The following TMEM53 variants were observed in gnomAD, a reference collection of about 807,000 sequenced individuals.
TMEM53 encodes the protein transmembrane protein 53.
TMEM53 carries 14 observed loss-of-function variants against 21.4 expected under a neutral mutation model. The ratio of observed to expected loss-of-function variants is 0.65; its 90% CI spans 0.43 to 1.02. TMEM53 has a LOEUF of 1.02. Among genes scored for constraint, TMEM53 ranks in the 50% least tolerant of loss-of-function variants. The pLI is 0.00. For missense variants in TMEM53, 323 were observed against 383.6 expected, an observed-to-expected ratio of 0.84 and a Z score of 1.32; for synonymous variants, 148 against 157.4, an observed-to-expected ratio of 0.94 and a Z score of 0.45.
intron 1 of TMEM53, 132 bp downstream of exon 1, chr1:44,674,199 C>T: frequency 1.3e-5 from 18 of 1,398,188 alleles, no homozygotes; most frequent in Non-Finnish European, 1.7e-5. Flanking sequence ...AAGTCTAGGA[C>T]CTGCCAGACC....
intron 1 of TMEM53, among the ~76,000 whole-genome samples, chr1:44,666,422 C>A (rs1287033300): frequency 6.6e-6 from 1 of 152,166 alleles, no homozygotes; most frequent in African/African-American, 2.4e-5. Flanking sequence ...TGAAAACTTG[C>A]CCATGAATGT....
intron 1 of TMEM53, among the ~76,000 whole-genome samples, chr1:44,660,755 C>T (rs1343334361): frequency 4.0e-5 from 6 of 151,080 alleles, no homozygotes; most frequent in East Asian, 3.9e-4. Context: ...GAGGCCGAGG[C>T]GGACGGATCG....
At position 44,655,250 on chromosome 1, in the gene TMEM53, G is replaced by A. The variant is rs778013676; in HGVS notation, c.184-41C>T. 1.3e-6 allele frequency: 2 copies of A among 1,545,430 alleles called. No individual in the cohort carries two copies. Among genetic ancestry groups the A allele is most frequent in the East Asian group, 2.3e-5 (1 of 44,344 alleles). ...TGGTCAGTCCTCACAGATGAGGTGG[G>A]GGTAGTGGGTACAAGCTAAGGTCAG... On this transcript the variant is annotated intron_variant, in intron 2 of 2. Transcript: ENST00000372237. The surrounding 1 kb of genome is among the most constrained non-coding windows in gnomAD (Gnocchi z 4.4).
Position 44,656,756 on chromosome 1 carries a change from GTAATCCCAACACTT to G in TMEM53, c.184-1561_184-1548del, listed in dbSNP as rs1449496341. 1.2e-3 allele frequency among the ~76,000 whole-genome samples: 183 copies of G among 152,296 alleles called. 1 individual carries two copies. The highest frequency in any genetic ancestry group is 4.2e-3 in the African/African-American group (173 of 41,570). On this transcript the variant is annotated intron_variant, in intron 2 of 2. Transcript: ENST00000372237. Reference sequence around the variant, plus strand: ...TGGTTGGGCACAGTGGCTCACACCTGTAATCCCAACACTTTGGGAGGCTGAGGTGGGCAGATGAC... The same window carrying G: ...TGGTTGGGCACAGTGGCTCACACCTGTGGGAGGCTGAGGTGGGCAGATGAC...
At chr1:44,660,394 G>A (rs994440788) in intron 1 of TMEM53, 99 bp from the exon 2 acceptor site, 112 of 1,482,682 alleles carry the variant, frequency 7.6e-5, no homozygotes, top group Non-Finnish European at 9.7e-5. Context: ...TGCAGGCAGG[G>A]AACAACGGGT....
intron 1 of TMEM53, among the ~76,000 whole-genome samples, chr1:44,667,585 G>A (rs890766841): frequency 2.6e-5 from 4 of 152,010 alleles, no homozygotes; most frequent in African/African-American, 9.7e-5. Flanking sequence ...TGGAATTACA[G>A]GCATGAGTCA....
chr1:44,663,200 C>T (rs921725925), intron 1 of TMEM53, among the ~76,000 whole-genome samples: 6 of 152,198 alleles, frequency 3.9e-5, no homozygotes, highest in African/African-American at 9.6e-5. Context: ...ACCACAGGCA[C>T]GTGCCACCAT....
rs1339699025 is a variant in TMEM53 at position 44,655,143 on chromosome 1, G to T, written c.250C>A (p.Pro84Thr). Residue 84 changes from proline (P) to threonine (T), a missense_variant, in exon 3 of 3, where the codon CCT becomes ACT. This residue lies in a region of TMEM53 where 269 missense variants were observed against 334.5 expected (regional missense o/e 0.80). Coordinates refer to ENST00000372237, the MANE Select transcript of TMEM53 (RefSeq NM_024587.4). This position sits in a 1 kb window ranked among gnomAD's most constrained non-coding sequence, Gnocchi z 4.4. ...MVFFSESLGI[P>T]SLRVLAQKLL... ...TTCTGGGCCAAAACACGAAGTGAAG[G>T]GATACCCAGTGACTCGGAGAAGAAG... 1 of 1,614,132 alleles carries T rather than the reference G, an allele frequency of 6.2e-7. No homozygotes were observed. Among genetic ancestry groups the T allele is most frequent in the Non-Finnish European group, 8.5e-7 (1 of 1,179,988 alleles).
chr1:44,660,425 C>T lies in TMEM53; in HGVS notation c.62-130G>A. 5.3e-6 allele frequency: 7 copies of T among 1,319,516 alleles called. No homozygotes were observed. In the South Asian group the frequency reaches 9.8e-5, roughly 18 times the overall value. The allele number at this position is 1,319,516 out of a possible 1,614,324, so 81.7% of individuals were successfully genotyped here. On this transcript the variant is annotated intron_variant, in intron 1 of 2. Transcript: ENST00000372237. Reference sequence around the variant, plus strand: ...CGGGTGCCAGGCCCAGGCATCCTGCCAGCACGCATGCACCAGTTCCCACCC... The same window carrying T: ...CGGGTGCCAGGCCCAGGCATCCTGCTAGCACGCATGCACCAGTTCCCACCC...
chr1:44,658,294 C>G (rs528859208), intron 2 of TMEM53, among the ~76,000 whole-genome samples: 20 of 152,140 alleles, frequency 1.3e-4, no homozygotes, highest in African/African-American at 4.6e-4. Context: ...AAAAACACAC[C>G]CCCCTCTACC....
rs114472931 is a variant in TMEM53 at position 44,674,410 on chromosome 1, G to C, written c.-19C>G. The stretch of plus-strand genomic sequence containing the variant: ...AGGCCATGGTGAAGGCGCCGGCCCA[G>C]AGCACGGGTCTCCAGCCGGAACTCC... On this transcript the variant is annotated 5_prime_UTR_variant, in exon 1 of 3. Coordinates refer to ENST00000372237, the MANE Select transcript of TMEM53 (RefSeq NM_024587.4). 7.3e-4 allele frequency: 1,166 copies of C among 1,602,320 alleles called. 4 individuals are homozygous for C. In the African/African-American group the frequency reaches 0.014, roughly 19 times the overall value.
intron 2 of TMEM53, among the ~76,000 whole-genome samples, chr1:44,659,737 G>A (rs969542797): frequency 6.6e-6 from 1 of 152,170 alleles, no homozygotes; most frequent in African/African-American, 2.4e-5. Context: ...GTGGAATGCA[G>A]GGAGGAAGGA....
chr1:44,672,871 G>A (rs962522903), intron 1 of TMEM53, among the ~76,000 whole-genome samples: 3 of 150,248 alleles, frequency 2.0e-5, no homozygotes, highest in Non-Finnish European at 4.4e-5. Flanking sequence ...ACGCTACCTC[G>A]TAACCCTCGC....
intron 1 of TMEM53, 96 bp downstream of exon 1, chr1:44,674,235 G>T (rs1271209655): frequency 6.7e-7 from 1 of 1,494,926 alleles, no homozygotes; most frequent in Non-Finnish European, 8.9e-7. Flanking sequence ...CCGAGGGAGG[G>T]CGGGGCCGCA....
intron 1 of TMEM53, among the ~76,000 whole-genome samples, chr1:44,668,171 G>A (rs982947509): frequency 3.3e-5 from 5 of 152,106 alleles, no homozygotes; most frequent in Non-Finnish European, 7.4e-5. Context: ...GGCCAGACTT[G>A]GTGGCTCACG....
chr1:44,663,668 G>T (rs1291273675), intron 1 of TMEM53, among the ~76,000 whole-genome samples: 1 of 152,100 alleles, frequency 6.6e-6, no homozygotes, highest in East Asian at 1.9e-4. Context: ...CCTTCCTGCT[G>T]CTGACATCTG....
At chr1:44,659,254 G>T (rs1382091124) in intron 2 of TMEM53, among the ~76,000 whole-genome samples, 1 of 152,214 alleles carries the variant, frequency 6.6e-6, no homozygotes, top group East Asian at 1.9e-4. Flanking sequence ...AGGGGGCTCA[G>T]CTGGCCTTTC....
chr1:44,655,187 G>A lies in TMEM53; in HGVS notation c.206C>T (p.Thr69Ile). 6.2e-7 allele frequency: 1 copy of A among 1,610,202 alleles called. No individual in the cohort carries two copies. The highest frequency in any genetic ancestry group is 8.5e-7 in the Non-Finnish European group (1 of 1,178,058). ...HKRGCIVIRYTAPWHMVFFSE... is the reference protein window; with the variant it reads ...HKRGCIVIRYIAPWHMVFFSE... Reference sequence around the variant, plus strand: ...GAAGAAGACCATGTGCCACGGGGCTGTGTATCGGATTACGATGCAGCCCTG... The same window carrying A: ...GAAGAAGACCATGTGCCACGGGGCTATGTATCGGATTACGATGCAGCCCTG... Residue 69 changes from threonine to isoleucine, a missense_variant, in exon 3 of 3, where the codon ACA becomes ATA. Physicochemically the swap from Thr to Ile is moderately conservative, Grantham distance 89 (BLOSUM62 -1). Transcript: ENST00000372237. This position sits in a 1 kb window ranked among gnomAD's most constrained non-coding sequence, Gnocchi z 4.4.
chr1:44,674,132 C>T, intron 1 of TMEM53, 199 bp downstream of exon 1: 1 of 985,276 alleles, frequency 1.0e-6, no homozygotes, highest in South Asian at 4.7e-5. Context: ...CGGGGCTCGC[C>T]AGGGAGGAAC....
Sources: gnomAD v4.1 joint callset for allele counts (sites outside exome capture counted in the v4.1 genomes callset) on GRCh38, gnomAD v4.1.1 for gene constraint, gnomAD v4.1.1 regional missense constraint, Gnocchi (gnomAD v3.1) non-coding constraint, MANE v1.5 for transcripts, NCBI Gene and HGNC (gene_info 2026-07-23, HGNC 2026-07-21) for gene names.